Variants in CNTNAP2 observed in about 807,000 individuals in gnomAD.
The protein encoded by CNTNAP2 is contactin-associated protein-like 2.
In CNTNAP2, 98 loss-of-function variants were observed where a neutral mutation model predicts 155.2. That is an observed-to-expected ratio of 0.63 (90% confidence interval 0.54 to 0.75). The LOEUF (loss-of-function observed/expected upper bound fraction) is 0.75, where lower values mean the gene tolerates loss of function less well. Among genes scored for constraint, CNTNAP2 ranks in the 30% least tolerant of loss-of-function variants. CNTNAP2 has a pLI of 0.00. For missense variants in CNTNAP2, 1,727 were observed against 1,688.1 expected, an observed-to-expected ratio of 1.02 and a Z score of -0.40; for synonymous variants, 651 against 631.2, an observed-to-expected ratio of 1.03 and a Z score of -0.47.
chr7:147,623,387 T>A (rs1039768761), intron 12 of CNTNAP2, among the ~76,000 whole-genome samples: 3 of 152,084 alleles, frequency 2.0e-5, no homozygotes, highest in African/African-American at 4.8e-5. Context: ...CTATTAGAAC[T>A]GATAAACAAA....
At chr7:146,609,941 G>T (rs909771417) in intron 1 of CNTNAP2, among the ~76,000 whole-genome samples, 2 of 152,142 alleles carry the variant, frequency 1.3e-5, no homozygotes, top group African/African-American at 2.4e-5. Flanking sequence ...GTAAATAATG[G>T]TCTGCACCCC....
chr7:147,326,818 T>A (rs1169411445), intron 9 of CNTNAP2, among the ~76,000 whole-genome samples: 2 of 152,252 alleles, frequency 1.3e-5, no homozygotes, highest in Non-Finnish European at 2.9e-5. Context: ...CACTTACCCT[T>A]GGCTTTTATA....
chr7:146,213,946 T>G (rs2116886853), intron 1 of CNTNAP2, among the ~76,000 whole-genome samples: 2 of 152,338 alleles, frequency 1.3e-5, no homozygotes, highest in South Asian at 4.1e-4. Flanking sequence ...TTAAATTTCC[T>G]TTTTAAATTT....
chr7:147,749,086 T>C (rs1215149102), intron 13 of CNTNAP2, among the ~76,000 whole-genome samples: 1 of 152,160 alleles, frequency 6.6e-6, no homozygotes, highest in African/African-American at 2.4e-5. Flanking sequence ...CAATTGGTTA[T>C]ACAATATTTG....
chr7:147,869,199 A>G (rs1056538212), intron 13 of CNTNAP2, among the ~76,000 whole-genome samples: 1 of 152,238 alleles, frequency 6.6e-6, no homozygotes, highest in African/African-American at 2.4e-5. Flanking sequence ...CAACAGCTAC[A>G]GTGATCCTGA....
At chr7:148,053,311 T>G (rs1199374572) in intron 15 of CNTNAP2, among the ~76,000 whole-genome samples, 1 of 152,236 alleles carries the variant, frequency 6.6e-6, no homozygotes, top group Non-Finnish European at 1.5e-5. Context: ...ATACACATTA[T>G]TCATATACTT....
At chr7:146,968,799 T>C (rs1372149833) in intron 3 of CNTNAP2, among the ~76,000 whole-genome samples, 2 of 150,834 alleles carry the variant, frequency 1.3e-5, no homozygotes, top group South Asian at 4.2e-4. Context: ...GTTTTTTGTG[T>C]CTCTATTTCC....
intron 1 of CNTNAP2, among the ~76,000 whole-genome samples, chr7:146,617,863 A>C (rs1214788178): frequency 6.6e-6 from 1 of 152,284 alleles, no homozygotes; most frequent in African/African-American, 2.4e-5. Flanking sequence ...ATATAAAATG[A>C]CTATGATAAA....
At chr7:146,425,839 TACAA>T (rs1428584733) in intron 1 of CNTNAP2, among the ~76,000 whole-genome samples, 10 of 151,878 alleles carry the variant, frequency 6.6e-5, no homozygotes, top group Admixed American at 1.3e-4. Flanking sequence ...GAGAAGAAAC[TACAA>T]ACAAACAATA....
At chr7:146,214,245 A>C (rs934281793) in intron 1 of CNTNAP2, among the ~76,000 whole-genome samples, 1 of 152,218 alleles carries the variant, frequency 6.6e-6, no homozygotes, top group African/African-American at 2.4e-5. Context: ...ACTAAATAAG[A>C]TCATGTAAAT....
chr7:148,263,808 A>G (rs1212082924), intron 20 of CNTNAP2, among the ~76,000 whole-genome samples: 2 of 152,144 alleles, frequency 1.3e-5, no homozygotes, highest in African/African-American at 4.8e-5. Context: ...GGTTAAAGCC[A>G]TCAACCACGC....
intron 3 of CNTNAP2, among the ~76,000 whole-genome samples, chr7:146,956,559 A>G (rs1185226250): frequency 1.3e-5 from 2 of 152,174 alleles, no homozygotes; most frequent in Non-Finnish European, 1.5e-5. Flanking sequence ...AAGAGAGGGA[A>G]AATTTTAAAT....
At chr7:147,892,331 G>A (rs1799708763) in intron 13 of CNTNAP2, among the ~76,000 whole-genome samples, 1 of 152,142 alleles carries the variant, frequency 6.6e-6, no homozygotes, top group Admixed American at 6.5e-5. Context: ...GATAGAGGTT[G>A]GAAAGGAACA....
intron 1 of CNTNAP2, among the ~76,000 whole-genome samples, chr7:146,141,753 A>G (rs1584769499): frequency 6.6e-6 from 1 of 152,148 alleles, no homozygotes; most frequent in East Asian, 1.9e-4. Context: ...GCATTATTAC[A>G]TTTTCACTAA....
chr7:146,466,267 A>G (rs1374945562), intron 1 of CNTNAP2, among the ~76,000 whole-genome samples: 1 of 152,180 alleles, frequency 6.6e-6, no homozygotes, highest in East Asian at 1.9e-4. Context: ...AGAGGTGAGA[A>G]TTCTGACTTT....
rs200192368 is a variant in CNTNAP2 at position 146,344,569 on chromosome 7, C to T, written c.97+227596C>T. On this transcript the variant is annotated intron_variant, in intron 1 of 23. Transcript: ENST00000361727. Reference sequence around the variant, plus strand: ...ATCTCGGCTCACTTCAACCTCTGCCCCCAAGTTCAAGCCATTCTCTTGCCT... The same window carrying T: ...ATCTCGGCTCACTTCAACCTCTGCCTCCAAGTTCAAGCCATTCTCTTGCCT... Among the ~76,000 whole-genome samples the T allele has an allele frequency of 0.02, 525 of 26,556 alleles. 4 individuals carry two copies. The African/African-American group carries it at 0.36, about 18-fold the overall frequency. 17.4% of individuals were successfully genotyped at this position (26,556 alleles called of 152,430 possible). A position where few individuals can be genotyped will look rare whatever the true frequency, so the allele number is the denominator to read the frequency against.
At chr7:148,292,976 A>G (rs1340441899) in intron 21 of CNTNAP2, among the ~76,000 whole-genome samples, 1 of 152,168 alleles carries the variant, frequency 6.6e-6, no homozygotes, top group African/African-American at 2.4e-5. Context: ...CTTTATTTGC[A>G]TATGAGTAAA....
At position 147,577,782 on chromosome 7, in the gene CNTNAP2, A is replaced by G. The variant is rs76833018; in HGVS notation, c.1897+15525A>G. Among the ~76,000 whole-genome samples the G allele has an allele frequency of 3.7e-3, 561 of 152,140 alleles. 1 individual carries two copies. The highest frequency in any genetic ancestry group is 0.012 in the African/African-American group (514 of 41,546). On this transcript the variant is annotated intron_variant, in intron 12 of 23. Transcript: ENST00000361727. Reference sequence around the variant, plus strand: ...CATCTGCAAACAAATATAAAGCAACACACCATGCAAGAAAGGCTCACCCCC... The same window carrying G: ...CATCTGCAAACAAATATAAAGCAACGCACCATGCAAGAAAGGCTCACCCCC...
chr7:146,354,957 G>A (rs947159655), intron 1 of CNTNAP2, among the ~76,000 whole-genome samples: 1 of 152,174 alleles, frequency 6.6e-6, no homozygotes, highest in African/African-American at 2.4e-5. Flanking sequence ...CTAGCTTCAG[G>A]TGTGTCCTAC....
Sources: gnomAD v4.1 joint callset for allele counts (sites outside exome capture counted in the v4.1 genomes callset) on GRCh38, gnomAD v4.1.1 for gene constraint, MANE v1.5 for transcripts, NCBI Gene and HGNC (gene_info 2026-07-23, HGNC 2026-07-21) for gene names.